The following IL2RA variants were observed in gnomAD, a reference collection of about 807,000 sequenced individuals.
IL2RA encodes the protein interleukin 2 receptor subunit alpha.
Under a neutral mutation model 37.8 loss-of-function variants are expected in IL2RA, and 24 were observed. The ratio of observed to expected loss-of-function variants is 0.63; its 90% confidence interval spans 0.46 to 0.89. The LOEUF is 0.89. Among genes scored for constraint, IL2RA ranks in the 40% least tolerant of loss-of-function variants. The pLI is 0.00. For missense variants in IL2RA, 319 were observed against 348.6 expected (o/e 0.92, Z 0.68); for synonymous variants, 125 against 114.6 (o/e 1.09, Z -0.58).
chr10:6,023,127 T>A (rs1000019538), intron 3 of IL2RA, among the ~76,000 whole-genome samples: 1 of 152,222 alleles, frequency 6.6e-6, no homozygotes, highest in Non-Finnish European at 1.5e-5. Flanking sequence ...AATCTTTTTA[T>A]CTTTTGTGCA....
chr10:6,023,741 A>T (rs993802969), intron 3 of IL2RA, among the ~76,000 whole-genome samples: 1 of 152,378 alleles, frequency 6.6e-6, no homozygotes, highest in African/African-American at 2.4e-5. Flanking sequence ...TGGCCAGGAC[A>T]CACGCATCTG....
intron 1 of IL2RA, among the ~76,000 whole-genome samples, chr10:6,051,512 TATA>T (rs561055345): frequency 0.027 from 2,802 of 105,548 alleles, 60 homozygotes; most frequent in Middle Eastern, 0.066. Context: ...TATATATATA[TATA>T]TATTTTTTTT....
chr10:6,059,964 G>A (rs1030479179), intron 1 of IL2RA, among the ~76,000 whole-genome samples: 4 of 152,172 alleles, frequency 2.6e-5, no homozygotes, highest in African/African-American at 4.8e-5. Flanking sequence ...TTGAGGGGCA[G>A]ATGGGGTATG....
intron 2 of IL2RA, among the ~76,000 whole-genome samples, chr10:6,024,656 T>C (rs56408602): frequency 2.4e-4 from 36 of 151,842 alleles, no homozygotes; most frequent in Admixed American, 2.6e-4. Flanking sequence ...GTGTATGTCA[T>C]GTATGTTATG....
intron 1 of IL2RA, among the ~76,000 whole-genome samples, chr10:6,059,075 A>T (rs1840087869): frequency 6.6e-6 from 1 of 152,310 alleles, no homozygotes; most frequent in African/African-American, 2.4e-5. Flanking sequence ...CTTGGAGAAA[A>T]AGTCTGTGAT....
rs1419252303 is a variant in IL2RA, at chr10:6,015,778, G to A, written c.794+2275C>T. On this transcript the variant is annotated intron_variant, in intron 7 of 7. Coordinates refer to ENST00000379959, the MANE Select transcript of IL2RA (RefSeq NM_000417.3). The surrounding 1 kb of genome is among the most constrained non-coding windows in gnomAD (Gnocchi z 4.9). ...TTGAAAACCAATGGCCGGGTGTAGG[G>A]TTGTCAAACCTGGATGCATATGTAT... Among the ~76,000 whole-genome samples, 1 of 152,174 alleles carries A rather than the reference G, an allele frequency of 6.6e-6. No individual in the cohort carries two copies. Among genetic ancestry groups the A allele is most frequent in the Admixed American group, 6.5e-5 (1 of 15,278 alleles).
At position 6,012,976 on chromosome 10, in the gene IL2RA, C is replaced by A; in HGVS notation, c.795-80G>T. ...GTGGTCCTCACTCTAAACCAGTGCA[C>A]ACGCCACCATGCCTGGCTAATTTTT... On this transcript the variant is annotated intron_variant, in intron 7 of 7. Transcript: ENST00000379959. This position sits in a 1 kb window ranked among gnomAD's most constrained non-coding sequence, Gnocchi z 4.8. The A allele has an allele frequency of 1.5e-6, 2 of 1,328,584 alleles. No homozygotes were observed. Among genetic ancestry groups the A allele is most frequent in the Non-Finnish European group, 2.2e-6 (2 of 919,690 alleles). 82.3% of individuals were successfully genotyped at this position (1,328,584 alleles called of 1,614,324 possible).
At position 6,036,253 on chromosome 10, in the gene IL2RA, C is replaced by T. The variant is rs1034106447; in HGVS notation, c.65-10228G>A. 6.6e-6 allele frequency: 1 copy of T among 152,266 alleles called. No individual in the cohort carries two copies. The highest frequency in any genetic ancestry group is 2.4e-5 in the African/African-American group (1 of 41,458). 9.4% of individuals were successfully genotyped at this position (152,266 alleles called of 1,614,324 possible). On this transcript the variant is annotated intron_variant, in intron 1 of 7. Transcript: ENST00000379959. This position sits in a 1 kb window ranked among gnomAD's most constrained non-coding sequence, Gnocchi z 6.1. Reference sequence around the variant, plus strand: ...CCAGAATGACCTCACCCAGGACAAACGGCGACAGATTTAGGAATTCAAGCC... The same window carrying T: ...CCAGAATGACCTCACCCAGGACAAATGGCGACAGATTTAGGAATTCAAGCC...
intron 1 of IL2RA, among the ~76,000 whole-genome samples, chr10:6,026,831 C>T (rs963045548): frequency 3.9e-5 from 6 of 152,188 alleles, no homozygotes; most frequent in Non-Finnish European, 1.5e-5. Flanking sequence ...GAGTCTGTGG[C>T]CTCTCCGTCA....
Position 6,048,899 on chromosome 10 carries a change from A to G in IL2RA, c.64+13189T>C, listed in dbSNP as rs1017074780. Among the ~76,000 whole-genome samples, 3 of 152,076 alleles carry G rather than the reference A, an allele frequency of 2.0e-5. No homozygotes were observed. The highest frequency in any genetic ancestry group is 7.2e-5 in the African/African-American group (3 of 41,404). ...CAACTTCAAAATCTCTGCTTCCACT[A>G]TGTGCCTGAGCTCTCCTGCCTTGCG... On this transcript the variant is annotated intron_variant, in intron 1 of 7. Coordinates refer to ENST00000379959, the MANE Select transcript of IL2RA (RefSeq NM_000417.3). The surrounding 1 kb of genome is among the most constrained non-coding windows in gnomAD (Gnocchi z 5.3).
intron 1 of IL2RA, among the ~76,000 whole-genome samples, chr10:6,030,242 G>T (rs1839554724): frequency 6.6e-6 from 1 of 152,000 alleles, no homozygotes; most frequent in African/African-American, 2.4e-5. Context: ...AAGAAATAAT[G>T]GCCAAAAATT....
At chr10:6,017,495 C>A (rs544089510) in intron 7 of IL2RA, among the ~76,000 whole-genome samples, 1 of 151,796 alleles carries the variant, frequency 6.6e-6, no homozygotes, top group Non-Finnish European at 1.5e-5. Context: ...GTTTATAAAA[C>A]AAGCATCAAG....
In IL2RA at chr10:6,054,451, C is replaced by G. The variant is rs1312096475; in HGVS notation, c.64+7637G>C. Among the ~76,000 whole-genome samples the G allele has an allele frequency of 6.6e-6, 1 of 152,194 alleles. No homozygotes were observed. The highest frequency in any genetic ancestry group is 1.5e-5 in the Non-Finnish European group (1 of 68,030). On this transcript the variant is annotated intron_variant, in intron 1 of 7. Coordinates refer to ENST00000379959, the MANE Select transcript of IL2RA (RefSeq NM_000417.3). The surrounding 1 kb of genome is among the most constrained non-coding windows in gnomAD (Gnocchi z 4.5). ...ACCTGTAGACACTGCAGGGTTGAAG[C>G]TGGGGGAGAAGCACTCACATGCTGT... is the stretch of plus-strand genomic sequence containing the variant.
At position 6,015,115 on chromosome 10, in the gene IL2RA, C is replaced by T. The variant is rs1196279968; in HGVS notation, c.795-2219G>A. Among the ~76,000 whole-genome samples, 1 of 149,644 alleles carries T rather than the reference C, an allele frequency of 6.7e-6. No homozygotes were observed. The highest frequency in any genetic ancestry group is 2.5e-5 in the African/African-American group (1 of 40,526). ...TTCTTTCTTTCTTTTTTTTTTTAAA[C>T]AGAGTCTTGCTGTGTCACCCAGGGT... is the stretch of plus-strand genomic sequence containing the variant. On this transcript the variant is annotated intron_variant, in intron 7 of 7. Transcript: ENST00000379959. This position sits in a 1 kb window ranked among gnomAD's most constrained non-coding sequence, Gnocchi z 4.9.
rs528725903 is a variant in IL2RA at position 6,014,219 on chromosome 10, T to C, written c.795-1323A>G. Among the ~76,000 whole-genome samples the C allele has an allele frequency of 3.9e-5, 6 of 152,302 alleles. No individual in the cohort carries two copies. The highest frequency in any genetic ancestry group is 3.3e-4 in the Admixed American group (5 of 15,294). On this transcript the variant is annotated intron_variant, in intron 7 of 7. Transcript: ENST00000379959. The surrounding 1 kb of genome is among the most constrained non-coding windows in gnomAD (Gnocchi z 4.4). ...CTCACAAGCCACTGTGAGCCTTCTGTAGCACATCACGGGCTCCTGGTCATT... is the reference window on the plus strand; with the variant it reads ...CTCACAAGCCACTGTGAGCCTTCTGCAGCACATCACGGGCTCCTGGTCATT...
intron 1 of IL2RA, among the ~76,000 whole-genome samples, chr10:6,050,568 C>T (rs969387066): frequency 2.6e-5 from 4 of 152,118 alleles, no homozygotes; most frequent in Admixed American, 6.5e-5. Context: ...CTCTTGAACC[C>T]GGGAGGCAGA....
At chr10:6,019,797 T>G in intron 5 of IL2RA, 73 bp downstream of exon 5, 1 of 1,400,894 alleles carries the variant, frequency 7.1e-7, no homozygotes, top group Non-Finnish European at 1.0e-6. Context: ...CCTATCTCCC[T>G]GAGCCTGGCT....
Position 6,012,597 on chromosome 10 carries a change from A to G in IL2RA, c.*275T>C. 1 of 566,852 alleles carries G rather than the reference A, an allele frequency of 1.8e-6. No individual in the cohort carries two copies. The highest frequency in any genetic ancestry group is 3.2e-6 in the Non-Finnish European group (1 of 316,024). 35.1% of individuals were successfully genotyped at this position (566,852 alleles called of 1,614,324 possible). ...ATGAACACATATACATGAAAATAAG[A>G]TGGAGAGTTCTAGTGGTTTTGCCCT... is the stretch of plus-strand genomic sequence containing the variant. On this transcript the variant is annotated 3_prime_UTR_variant, in exon 8 of 8. Transcript: ENST00000379959. The surrounding 1 kb of genome is among the most constrained non-coding windows in gnomAD (Gnocchi z 4.8).
intron 1 of IL2RA, among the ~76,000 whole-genome samples, chr10:6,059,108 T>C (rs1840088422): frequency 6.6e-6 from 1 of 152,248 alleles, no homozygotes; most frequent in South Asian, 2.1e-4. Context: ...TACCCTGGAG[T>C]GATGCCTAGA....
Sources: gnomAD v4.1 joint callset for allele counts (sites outside exome capture counted in the v4.1 genomes callset) on GRCh38, gnomAD v4.1.1 for gene constraint, Gnocchi (gnomAD v3.1) non-coding constraint, MANE v1.5 for transcripts, NCBI Gene and HGNC (gene_info 2026-07-23, HGNC 2026-07-21) for gene names.